Variants in TTLL5 observed in about 807,000 individuals in gnomAD.
TTLL5 encodes tubulin tyrosine ligase like 5.
TTLL5 carries 132 observed loss-of-function variants against 168.4 expected under a neutral mutation model. The ratio of observed to expected loss-of-function variants is 0.78; its 90% CI spans 0.68 to 0.91. The LOEUF is 0.91. Among genes scored for constraint, TTLL5 ranks in the 40% least tolerant of loss-of-function variants. The pLI, the probability that TTLL5 is intolerant of heterozygous loss-of-function variation, is 0.00. For missense variants in TTLL5, 1,545 were observed against 1,581.5 expected, an observed-to-expected ratio of 0.98 and a Z score of 0.39; for synonymous variants, 546 against 558.6, an observed-to-expected ratio of 0.98 and a Z score of 0.32.
At chr14:75,933,763 T>C (rs756275920) in intron 31 of TTLL5, among the ~76,000 whole-genome samples, 41 of 152,228 alleles carry the variant, frequency 2.7e-4, no homozygotes, top group Non-Finnish European at 5.4e-4. Flanking sequence ...TAGAGATAGC[T>C]CTTTTAAAGA....
Position 75,765,922 on chromosome 14 carries a change from CAT to C in TTLL5, c.1709-139_1709-138del, listed in dbSNP as rs1014297635. 4.0e-5 allele frequency: 25 copies of C among 620,354 alleles called. No individual in the cohort carries two copies. The African/African-American group carries it at 4.4e-4, about 11-fold the overall frequency. The allele number at this position is 620,354 out of a possible 1,614,324, so 38.4% of individuals were successfully genotyped here. On this transcript the variant is annotated intron_variant, in intron 19 of 31. Transcript: ENST00000298832. Reference sequence around the variant, plus strand: ...AAGAATATATGAGATTAGAGAGTGACATGTGGGTGCTATTAATTCTGTGCCTT... The same window carrying C: ...AAGAATATATGAGATTAGAGAGTGACGTGGGTGCTATTAATTCTGTGCCTT...
At chr14:75,839,404 T>C (rs2139839456) in intron 28 of TTLL5, among the ~76,000 whole-genome samples, 1 of 152,326 alleles carries the variant, frequency 6.6e-6, no homozygotes, top group South Asian at 2.1e-4. Flanking sequence ...TAGCCATCTG[T>C]ATTAGTTTGT....
intron 29 of TTLL5, among the ~76,000 whole-genome samples, chr14:75,864,188 A>G (rs190914631): frequency 1.2e-4 from 18 of 152,260 alleles, no homozygotes; most frequent in Admixed American, 1.0e-3. Context: ...GTCTGATTCT[A>G]AGATACCTGA....
chr14:75,951,466 A>T (rs1422771770), intron 31 of TTLL5, among the ~76,000 whole-genome samples: 1 of 151,962 alleles, frequency 6.6e-6, no homozygotes, highest in Non-Finnish European at 1.5e-5. Flanking sequence ...CAATCTCTTT[A>T]AAAAAATACC....
chr14:75,879,914 C>A (rs1273258265), intron 29 of TTLL5, among the ~76,000 whole-genome samples: 4 of 152,150 alleles, frequency 2.6e-5, no homozygotes, highest in African/African-American at 4.8e-5. Context: ...TAATGTATTA[C>A]CTGCTTAAAT....
At chr14:75,936,545 G>C (rs1015623423) in intron 31 of TTLL5, among the ~76,000 whole-genome samples, 1 of 152,204 alleles carries the variant, frequency 6.6e-6, no homozygotes, top group Non-Finnish European at 1.5e-5. Flanking sequence ...TCAGATGGAA[G>C]GGTGTGGTTT....
chr14:75,876,807 A>G (rs2031513786), intron 29 of TTLL5, among the ~76,000 whole-genome samples: 1 of 152,232 alleles, frequency 6.6e-6, no homozygotes, highest in South Asian at 2.1e-4. Flanking sequence ...GCCAAAATAG[A>G]AACAGTTACT....
At chr14:75,893,108 ACAGT>A (rs1272406672) in intron 30 of TTLL5, among the ~76,000 whole-genome samples, 5 of 152,228 alleles carry the variant, frequency 3.3e-5, no homozygotes, top group Non-Finnish European at 5.9e-5. Flanking sequence ...ATACTTTAAA[ACAGT>A]CAGACATGTT....
intron 28 of TTLL5, among the ~76,000 whole-genome samples, chr14:75,822,464 G>T (rs1208146993): frequency 6.6e-6 from 1 of 152,170 alleles, no homozygotes; most frequent in Non-Finnish European, 1.5e-5. Context: ...TTCTACAGTA[G>T]CAACAGTGGA....
At chr14:75,723,892 T>G (rs1210777102) in intron 12 of TTLL5, among the ~76,000 whole-genome samples, 1 of 152,194 alleles carries the variant, frequency 6.6e-6, no homozygotes, top group African/African-American at 2.4e-5. Flanking sequence ...TGGGATTTTG[T>G]GTGCTTCATT....
At chr14:75,752,473 G>A (rs1005692330) in intron 17 of TTLL5, among the ~76,000 whole-genome samples, 4 of 152,114 alleles carry the variant, frequency 2.6e-5, no homozygotes, top group African/African-American at 9.7e-5. Context: ...TCTTAATTTG[G>A]GAATAACATG....
rs1314991843 is a variant in TTLL5, at chr14:75,663,843, G to A, written c.74+620G>A. 3.3e-5 allele frequency among the ~76,000 whole-genome samples: 5 copies of A among 152,200 alleles called. No homozygotes were observed. In the East Asian group the frequency reaches 9.7e-4, roughly 29 times the overall value. On this transcript the variant is annotated intron_variant, in intron 2 of 31. Coordinates refer to ENST00000298832, the MANE Select transcript of TTLL5 (RefSeq NM_015072.5). ...TTATGCCTGTAATCCCAGCACTTTG[G>A]GTAGCCGAGGTGAGCGGATCACCTG...
At chr14:75,727,295 C>T (rs1888243162) in intron 12 of TTLL5, among the ~76,000 whole-genome samples, 1 of 152,158 alleles carries the variant, frequency 6.6e-6, no homozygotes, top group South Asian at 2.1e-4. Context: ...TCCAAATGTC[C>T]ATCAACTGTT....
At chr14:75,669,672 T>A in intron 3 of TTLL5, 150 bp downstream of exon 3, 2 of 540,396 alleles carry the variant, frequency 3.7e-6, no homozygotes, top group Non-Finnish European at 6.0e-6. Context: ...TATAATTTCT[T>A]AAATTGTTTT....
At chr14:75,847,748 A>G (rs993887628) in intron 28 of TTLL5, 1 of 151,740 alleles carries the variant, frequency 6.6e-6, no homozygotes, top group Non-Finnish European at 1.5e-5. Context: ...GCTCTTAACC[A>G]CTCTGCCAGT....
At chr14:75,690,464 AG>A in intron 6 of TTLL5, 142 bp downstream of exon 6, 1 of 1,089,158 alleles carries the variant, frequency 9.2e-7, no homozygotes, top group South Asian at 2.0e-5. Context: ...ACAGTTGCAG[AG>A]GTAACTTTAA....
intron 30 of TTLL5, among the ~76,000 whole-genome samples, chr14:75,884,190 A>G (rs1446723767): frequency 1.3e-5 from 2 of 152,240 alleles, no homozygotes; most frequent in Non-Finnish European, 2.9e-5. Flanking sequence ...CATCATATGC[A>G]TTCTAAAACC....
Position 75,734,018 on chromosome 14 carries a change from C to A in TTLL5, c.1154C>A (p.Ala385Asp). The A allele has an allele frequency of 6.2e-7, 1 of 1,614,008 alleles. No homozygotes were observed. Among genetic ancestry groups the A allele is most frequent in the Non-Finnish European group, 8.5e-7 (1 of 1,179,932 alleles). The change falls in exon 14 of 32, where the codon GCC (alanine) becomes GAC (aspartate). Residue 385 changes from alanine (A) to aspartate (D), a missense_variant. By Grantham distance (126) the Ala-to-Asp change is moderately radical. Coordinates refer to ENST00000298832, the MANE Select transcript of TTLL5 (RefSeq NM_015072.5). The part of the protein sequence containing the change: ...CDAPLDLKIK[A>D]SMISDMFTVV... ...GCGCCTCTGGACCTAAAGATTAAAG[C>A]CAGTATGATTTCAGATATGTTCACT...
At chr14:75,719,972 A>G (rs1462857288) in intron 11 of TTLL5, 146 bp downstream of exon 11, 3 of 838,404 alleles carry the variant, frequency 3.6e-6, no homozygotes, top group African/African-American at 1.7e-5. Flanking sequence ...TGCAGTTGAC[A>G]AGCTGGGGAA....
Sources: gnomAD v4.1 joint callset for allele counts (sites outside exome capture counted in the v4.1 genomes callset) on GRCh38, gnomAD v4.1.1 for gene constraint, MANE v1.5 for transcripts, NCBI Gene and HGNC (gene_info 2026-07-23, HGNC 2026-07-21) for gene names.